Variants in ADGRL2 observed in about 807,000 individuals in gnomAD.
ADGRL2 encodes adhesion G protein-coupled receptor L2.
A neutral mutation model predicts 157.4 loss-of-function variants in ADGRL2; 44 were observed. The observed-to-expected ratio is 0.28, with a 90% CI of 0.22 to 0.36. The LOEUF is 0.36. Among genes scored for constraint, ADGRL2 ranks in the 10% least tolerant of loss-of-function variants. ADGRL2 has a pLI of 1.00. For synonymous variants in ADGRL2, 585 were observed against 624.7 expected (o/e 0.94, Z 0.95); for missense variants, 1,510 against 1,768.9 (o/e 0.85, Z 2.63).
intron 1 of ADGRL2, among the ~76,000 whole-genome samples, chr1:81,725,755 T>C (rs1031825695): frequency 7.2e-5 from 11 of 152,128 alleles, no homozygotes; most frequent in Non-Finnish European, 1.2e-4. Context: ...CTTCTGAAAA[T>C]GTGTACTGTG....
intron 1 of ADGRL2, among the ~76,000 whole-genome samples, chr1:81,753,350 C>A (rs547302162): frequency 6.6e-6 from 1 of 152,242 alleles, no homozygotes; most frequent in Admixed American, 6.5e-5. Context: ...GAGACCCATT[C>A]ACTATCATGA....
chr1:81,876,445 G>C (rs756769545), intron 2 of ADGRL2, among the ~76,000 whole-genome samples: 7 of 151,944 alleles, frequency 4.6e-5, no homozygotes, highest in Non-Finnish European at 1.0e-4. Flanking sequence ...GACAATATGT[G>C]ACCTTTTACA....
chr1:81,705,549 G>C (rs1215595146), intron 1 of ADGRL2, among the ~76,000 whole-genome samples: 1 of 151,918 alleles, frequency 6.6e-6, no homozygotes, highest in Non-Finnish European at 1.5e-5. Context: ...GCCCGGCTGG[G>C]AGCAGCTCTT....
chr1:81,854,739 G>A (rs529238962), intron 2 of ADGRL2, among the ~76,000 whole-genome samples: 2 of 152,294 alleles, frequency 1.3e-5, no homozygotes, highest in Non-Finnish European at 2.9e-5. Flanking sequence ...AACTCAAACA[G>A]CAGAGATATC....
At chr1:81,771,332 C>T (rs1283929453) in intron 2 of ADGRL2, among the ~76,000 whole-genome samples, 1 of 152,108 alleles carries the variant, frequency 6.6e-6, no homozygotes, top group Non-Finnish European at 1.5e-5. Flanking sequence ...TGCTGAGCAT[C>T]CTCTTTCACC....
intron 3 of ADGRL2, among the ~76,000 whole-genome samples, chr1:81,678,158 T>G (rs2083034965): frequency 6.6e-6 from 1 of 152,148 alleles, no homozygotes; most frequent in Non-Finnish European, 1.5e-5. Context: ...ACACCATATT[T>G]CTTTAGTAAC....
intron 1 of ADGRL2, among the ~76,000 whole-genome samples, chr1:81,335,094 A>C (rs1465006991): frequency 6.6e-6 from 1 of 152,202 alleles, no homozygotes; most frequent in African/African-American, 2.4e-5. Flanking sequence ...GGTTGTATCT[A>C]TGAAAAAGCC....
intron 12 of ADGRL2, 56 bp from the exon 13 acceptor site, chr1:81,966,348 T>C (rs1318934401): frequency 1.1e-5 from 17 of 1,551,246 alleles, no homozygotes; most frequent in Non-Finnish European, 1.5e-5. Context: ...TATTTTATCT[T>C]AGTTTATTAA....
intron 3 of ADGRL2, among the ~76,000 whole-genome samples, chr1:81,676,747 C>A (rs1189859651): frequency 6.6e-6 from 1 of 151,862 alleles, no homozygotes; most frequent in Non-Finnish European, 1.5e-5. Flanking sequence ...AGTGCAGTGG[C>A]GCGTTCTCAG....
At chr1:81,407,397 CAG>C (rs1025654067) in intron 1 of ADGRL2, among the ~76,000 whole-genome samples, 3 of 152,200 alleles carry the variant, frequency 2.0e-5, no homozygotes, top group African/African-American at 7.2e-5. Context: ...AACTCTGAGA[CAG>C]AGACCCAATT....
chr1:81,404,299 A>G (rs2076815508), intron 1 of ADGRL2, among the ~76,000 whole-genome samples: 2 of 152,214 alleles, frequency 1.3e-5, no homozygotes, highest in Non-Finnish European at 2.9e-5. Flanking sequence ...AAGGAAAATA[A>G]TGGTTTGTAT....
At chr1:81,402,338 C>T (rs11163276) in intron 1 of ADGRL2, among the ~76,000 whole-genome samples, 82,035 of 151,976 alleles carry the variant, frequency 0.54, 23,130 homozygotes, top group East Asian at 0.7. Context: ...GGTACAGAAA[C>T]TTCTCTCCAG....
intron 3 of ADGRL2, among the ~76,000 whole-genome samples, chr1:81,615,919 T>C (rs2081636136): frequency 6.6e-6 from 1 of 152,172 alleles, no homozygotes; most frequent in Non-Finnish European, 1.5e-5. Context: ...GTGATTCTAT[T>C]ATAGACACAC....
At chr1:81,732,092 A>G (rs533365063) in intron 1 of ADGRL2, among the ~76,000 whole-genome samples, 11 of 152,326 alleles carry the variant, frequency 7.2e-5, no homozygotes, top group Admixed American at 3.3e-4. Context: ...TGAGAAATCC[A>G]TATATTTTCA....
chr1:81,574,611 A>G (rs923954729), intron 2 of ADGRL2, among the ~76,000 whole-genome samples: 2 of 152,060 alleles, frequency 1.3e-5, no homozygotes, highest in African/African-American at 4.8e-5. Context: ...TTCATCTCTT[A>G]TTGTGCTGCC....
chr1:81,446,042 G>T (rs1268994297), intron 2 of ADGRL2, among the ~76,000 whole-genome samples: 2 of 152,052 alleles, frequency 1.3e-5, no homozygotes, highest in Non-Finnish European at 2.9e-5. Context: ...CCACAAACTT[G>T]GAGGCTATAG....
At chr1:81,593,135 T>G (rs1557489680) in intron 3 of ADGRL2, among the ~76,000 whole-genome samples, 1 of 152,224 alleles carries the variant, frequency 6.6e-6, no homozygotes, top group Admixed American at 6.5e-5. Flanking sequence ...ATCACTTTTC[T>G]TAGCCCATTT....
chr1:81,699,189 A>G (rs754272126), upstream of ADGRL2, among the ~76,000 whole-genome samples: 12 of 152,196 alleles, frequency 7.9e-5, no homozygotes, highest in Non-Finnish European at 5.9e-5. Context: ...AAAAGGTGAA[A>G]ATACAGTCAT....
At chr1:81,768,196 C>G (rs2086210631) in intron 2 of ADGRL2, among the ~76,000 whole-genome samples, 1 of 151,934 alleles carries the variant, frequency 6.6e-6, no homozygotes. Flanking sequence ...CAGACTCGTA[C>G]CACCACAACC....
Sources: allele counts gnomAD v4.1 joint callset (sites outside exome capture counted in the v4.1 genomes callset), GRCh38; gene constraint gnomAD v4.1.1; transcripts MANE v1.5; gene names NCBI Gene and HGNC (gene_info 2026-07-23, HGNC 2026-07-21).